PPHLN1: variants seen among roughly 807,000 people sequenced by gnomAD.
PPHLN1 encodes the protein periphilin 1.
In PPHLN1, 29 loss-of-function variants were observed where a neutral mutation model predicts 51.3. That is an observed-to-expected ratio of 0.57 (90% CI 0.42 to 0.77). The LOEUF (loss-of-function observed/expected upper bound fraction) is 0.77. Among genes scored for constraint, PPHLN1 ranks in the 30% least tolerant of loss-of-function variants. The probability of loss-of-function intolerance (pLI) is 0.00; values close to 1 mark genes in which losing one functional copy is unlikely to be tolerated. For missense variants in PPHLN1, 436 were observed against 438.4 expected (o/e 0.99, Z 0.05); for synonymous variants, 147 against 147.8 (o/e 0.99, Z 0.04).
intron 5 of PPHLN1, among the ~76,000 whole-genome samples, chr12:42,379,874 G>A (rs909927504): frequency 6.6e-6 from 1 of 152,008 alleles, no homozygotes; most frequent in African/African-American, 2.4e-5. Flanking sequence ...TTTTGTATCA[G>A]TTGTTAATAA....
Position 42,387,468 on chromosome 12 carries a change from C to G in PPHLN1, c.581C>G (p.Pro194Arg). Reference sequence around the variant, plus strand: ...TTTTCTTATATAGATAAAGAGAGGCCTGTCCAGTCTTTGAAAACATCAAGA... The same window carrying G: ...TTTTCTTATATAGATAAAGAGAGGCGTGTCCAGTCTTTGAAAACATCAAGA... ...EGNPERDKERPVQSLKTSRDT... is the reference protein window; with the variant it reads ...EGNPERDKERRVQSLKTSRDT... The change falls in exon 7 of 10, where the codon CCT becomes CGT. Residue 194 changes from proline to arginine, a missense_variant. Transcript: ENST00000358314. The G allele has an allele frequency of 6.2e-7, 1 of 1,612,500 alleles. No individual in the cohort carries two copies. Among genetic ancestry groups the G allele is most frequent in the Non-Finnish European group, 8.5e-7 (1 of 1,179,496 alleles).
chr12:42,373,788 T>A (rs1428520241), intron 4 of PPHLN1, among the ~76,000 whole-genome samples: 2 of 152,238 alleles, frequency 1.3e-5, no homozygotes, highest in Non-Finnish European at 2.9e-5. Context: ...AATAAAGAAA[T>A]TTAATTTATA....
intron 9 of PPHLN1, among the ~76,000 whole-genome samples, chr12:42,422,085 T>C (rs909794406): frequency 2.0e-5 from 3 of 152,182 alleles, no homozygotes; most frequent in Admixed American, 6.5e-5. Context: ...GGGTCAGATT[T>C]CAGCACTAAT....
chr12:42,326,546 A>G (rs1371454975), intron 1 of PPHLN1, among the ~76,000 whole-genome samples: 4 of 152,126 alleles, frequency 2.6e-5, no homozygotes, highest in Non-Finnish European at 4.4e-5. Context: ...GTACCCAGCT[A>G]TTAGGCACTT....
intron 4 of PPHLN1, among the ~76,000 whole-genome samples, chr12:42,366,434 G>A (rs999139072): frequency 6.6e-6 from 1 of 152,028 alleles, no homozygotes; most frequent in South Asian, 2.1e-4. Context: ...CACCATGTTG[G>A]CCAGGCTGGT....
downstream of PPHLN1, chr12:42,443,116 A>T (rs1258980348): frequency 6.1e-6 from 1 of 163,860 alleles, no homozygotes; most frequent in East Asian, 1.7e-4. Flanking sequence ...AAGGAGGAGG[A>T]ACCATCACCT....
chr12:42,434,743 G>A (rs1290242264), intron 9 of PPHLN1, among the ~76,000 whole-genome samples: 1 of 152,162 alleles, frequency 6.6e-6, no homozygotes, highest in Non-Finnish European at 1.5e-5. Flanking sequence ...TCCTGGGCTG[G>A]AGTGCAACGG....
intron 9 of PPHLN1, among the ~76,000 whole-genome samples, chr12:42,404,759 G>T (rs1415058306): frequency 6.6e-6 from 1 of 152,100 alleles, no homozygotes; most frequent in African/African-American, 2.4e-5. Context: ...GCCGGGTATG[G>T]TGGCTCACAC....
rs2071976792 is a variant in PPHLN1 at position 42,344,483 on chromosome 12, A to G, written c.73-7402A>G. Among the ~76,000 whole-genome samples, 3 of 152,216 alleles carry G rather than the reference A, an allele frequency of 2.0e-5. No homozygotes were observed. In the South Asian group the frequency reaches 6.2e-4, roughly 31 times the overall value. ...AAGTAAAACCATGATATCACACTTA[A>G]AATGTCAATAAGTATTTCAATATGT... On this transcript the variant is annotated intron_variant, in intron 2 of 9. Transcript: ENST00000358314.
intron 3 of PPHLN1, among the ~76,000 whole-genome samples, chr12:42,354,763 G>A (rs61926567): frequency 0.018 from 2,799 of 152,266 alleles, 46 homozygotes; most frequent in Middle Eastern, 0.037. Context: ...AAATGGGAAA[G>A]TAGCAAGTTT....
chr12:42,399,524 T>A, intron 9 of PPHLN1: 22 of 707,460 alleles, frequency 3.1e-5, no homozygotes, highest in Non-Finnish European at 3.6e-5. Flanking sequence ...GAAGTAAATG[T>A]GAAAGGGTTT....
At chr12:42,433,677 A>G (rs2082240687) in intron 9 of PPHLN1, among the ~76,000 whole-genome samples, 1 of 152,218 alleles carries the variant, frequency 6.6e-6, no homozygotes, top group Non-Finnish European at 1.5e-5. Context: ...AGAAAATAAT[A>G]AGACAGCATA....
At chr12:42,431,961 G>A in intron 9 of PPHLN1, 1 of 1,483,540 alleles carries the variant, frequency 6.7e-7, no homozygotes, top group Non-Finnish European at 9.4e-7. Context: ...GAGATTTGCT[G>A]GCATCAGTGT....
At chr12:42,421,854 GTT>G (rs888560858) in intron 9 of PPHLN1, among the ~76,000 whole-genome samples, 1 of 145,770 alleles carries the variant, frequency 6.9e-6, no homozygotes, top group African/African-American at 2.5e-5. Flanking sequence ...GAAGGTTGGA[GTT>G]TTTTTTTTTG....
intron 4 of PPHLN1, among the ~76,000 whole-genome samples, chr12:42,366,224 CT>C (rs34689856): frequency 0.12 from 13,115 of 110,708 alleles, 301 homozygotes; most frequent in Admixed American, 0.17. Context: ...GTACCGGACA[CT>C]TTTTTTTTTT....
At chr12:42,336,391 AGAG>A (rs1370696829) in intron 2 of PPHLN1, among the ~76,000 whole-genome samples, 2 of 106,750 alleles carry the variant, frequency 1.9e-5, no homozygotes, top group African/African-American at 7.1e-5. Context: ...TCATTCTAAG[AGAG>A]GAGAACTCTT....
chr12:42,439,148 C>A (rs2082724643), intron 9 of PPHLN1, among the ~76,000 whole-genome samples: 1 of 152,104 alleles, frequency 6.6e-6, no homozygotes, highest in Non-Finnish European at 1.5e-5. Flanking sequence ...CCTCTGTTAT[C>A]TTCTGTAAAT....
At chr12:42,384,467 C>T (rs1211585874) in intron 5 of PPHLN1, among the ~76,000 whole-genome samples, 1 of 152,180 alleles carries the variant, frequency 6.6e-6, no homozygotes, top group Non-Finnish European at 1.5e-5. Context: ...ATTAGGGGCT[C>T]AACCAGTGTC....
intron 2 of PPHLN1, among the ~76,000 whole-genome samples, chr12:42,347,885 A>G (rs1333184227): frequency 6.6e-6 from 1 of 152,182 alleles, no homozygotes; most frequent in Non-Finnish European, 1.5e-5. Context: ...AACGCTTTAA[A>G]AATACAGTCC....
Sources: allele counts gnomAD v4.1 joint callset (sites outside exome capture counted in the v4.1 genomes callset), GRCh38; gene constraint gnomAD v4.1.1; transcripts MANE v1.5; gene names NCBI Gene and HGNC (gene_info 2026-07-23, HGNC 2026-07-21).